The following MOSMO variants were observed in gnomAD, a reference collection of about 807,000 sequenced individuals.
MOSMO encodes modulator of smoothened protein.
In MOSMO, 5 loss-of-function variants were observed where a neutral mutation model predicts 18.4. That is an observed-to-expected ratio of 0.27 (90% CI 0.14 to 0.57). The LOEUF is 0.57. MOSMO is among the 20% of genes least tolerant of loss of function. The pLI is 0.92. For missense variants in MOSMO, 138 were observed against 211.8 expected, an observed-to-expected ratio of 0.65 and a Z score of 2.16; for synonymous variants, 82 against 82.3, an observed-to-expected ratio of 1.00 and a Z score of 0.02.
At position 22,055,125 on chromosome 16, in the gene MOSMO, C is replaced by T. The variant is rs1338238640; in HGVS notation, c.107-20362C>T. Among the ~76,000 whole-genome samples, 3 of 152,158 alleles carry T rather than the reference C, an allele frequency of 2.0e-5. No homozygotes were observed. The South Asian group carries it at 6.2e-4, about 32-fold the overall frequency. ...CATTTGTTTTTGAGGGTCAACAAGT[C>T]TGGTCAGCTTCTGTGCAACATCATA... On this transcript the variant is annotated intron_variant, in intron 1 of 2. Transcript: ENST00000542527.
chr16:22,056,093 G>C (rs936196564), intron 1 of MOSMO, among the ~76,000 whole-genome samples: 48 of 152,210 alleles, frequency 3.2e-4, no homozygotes, highest in African/African-American at 1.1e-3. Flanking sequence ...GGCGAGGCAG[G>C]GTAGAACCTT....
intron 1 of MOSMO, among the ~76,000 whole-genome samples, chr16:22,051,290 A>C (rs932362342): frequency 1.3e-5 from 2 of 151,982 alleles, no homozygotes; most frequent in African/African-American, 4.8e-5. Flanking sequence ...CAGGAGGCCA[A>C]GGCAGGAGGA....
At chr16:22,090,216 C>G (rs1429495262), downstream of MOSMO, 1 of 152,226 alleles carries the variant, frequency 6.6e-6, no homozygotes, top group African/African-American at 2.4e-5. Flanking sequence ...ACCTGAAGAG[C>G]CTCCTGATCA....
intron 1 of MOSMO, among the ~76,000 whole-genome samples, chr16:22,070,304 A>AT (rs1259832325): frequency 2.6e-5 from 4 of 152,166 alleles, no homozygotes; most frequent in Admixed American, 1.3e-4. Context: ...CTCTGATGTG[A>AT]TTTTCTCCAT....
chr16:22,064,222 C>T (rs1900705749), intron 1 of MOSMO: 1 of 443,512 alleles, frequency 2.3e-6, no homozygotes, highest in Non-Finnish European at 4.5e-6. Context: ...TTCTGTGAGG[C>T]TATGGGGTCA....
At chr16:22,059,726 C>T (rs1361912798) in intron 1 of MOSMO, among the ~76,000 whole-genome samples, 2 of 152,112 alleles carry the variant, frequency 1.3e-5, no homozygotes, top group Admixed American at 1.3e-4. Context: ...GGGAAATCAC[C>T]CCCATGATTC....
intron 1 of MOSMO, among the ~76,000 whole-genome samples, chr16:22,014,995 T>C (rs372490840): frequency 3.3e-5 from 5 of 152,300 alleles, no homozygotes; most frequent in Admixed American, 2.0e-4. Context: ...AAATAAAGTA[T>C]TTAAAGTATA....
intron 1 of MOSMO, among the ~76,000 whole-genome samples, chr16:22,067,429 A>T (rs1173572087): frequency 6.6e-6 from 1 of 152,234 alleles, no homozygotes; most frequent in Non-Finnish European, 1.5e-5. Context: ...TGAAAGACAA[A>T]GACATAAGAG....
Position 22,083,633 on chromosome 16 carries a change from G to A in MOSMO, c.*2753G>A, listed in dbSNP as rs1437002743. 6 of 453,260 alleles carry A rather than the reference G, an allele frequency of 1.3e-5. No individual in the cohort carries two copies. Among genetic ancestry groups the A allele is most frequent in the Non-Finnish European group, 2.7e-5 (6 of 226,228 alleles). 28.1% of individuals were successfully genotyped at this position (453,260 alleles called of 1,614,324 possible). On this transcript the variant is annotated 3_prime_UTR_variant, in exon 3 of 3. Transcript: ENST00000542527. ...ACTGTATATAAAACACTGTTTTATG[G>A]TGCAATCATTTGTCAAACTTTTGTC... is the stretch of plus-strand genomic sequence containing the variant.
At chr16:22,055,467 G>C (rs917354979) in intron 1 of MOSMO, among the ~76,000 whole-genome samples, 1 of 152,158 alleles carries the variant, frequency 6.6e-6, no homozygotes, top group Non-Finnish European at 1.5e-5. Flanking sequence ...GACATTTACA[G>C]TACCACAACA....
At chr16:22,009,836 A>AAAG (rs1899485456) in intron 1 of MOSMO, among the ~76,000 whole-genome samples, 1 of 121,232 alleles carries the variant, frequency 8.2e-6, no homozygotes, top group African/African-American at 2.9e-5. Flanking sequence ...AAAAAAAAAA[A>AAAG]AGAGAATTAG....
At chr16:22,066,117 C>A (rs1900742482) in intron 1 of MOSMO, among the ~76,000 whole-genome samples, 1 of 152,110 alleles carries the variant, frequency 6.6e-6, no homozygotes, top group African/African-American at 2.4e-5. Flanking sequence ...AGCTTAGCAA[C>A]CAATTGAGAG....
chr16:22,058,567 CTT>C lies in MOSMO; in HGVS notation c.107-16917_107-16916del, dbSNP rs558524617. On this transcript the variant is annotated intron_variant, in intron 1 of 2. Transcript: ENST00000542527. ...ATGTAGACAGAGAGGACAGGATAGA[CTT>C]TTGTTTAGGAGGTAAATTCCACTTG... Among the ~76,000 whole-genome samples, 37 of 152,038 alleles carry C rather than the reference CTT, an allele frequency of 2.4e-4. No individual in the cohort carries two copies. The East Asian group carries it at 5.2e-3, about 21-fold the overall frequency.
At chr16:22,043,054 GT>G (rs1900240313) in intron 1 of MOSMO, among the ~76,000 whole-genome samples, 1 of 152,186 alleles carries the variant, frequency 6.6e-6, no homozygotes, top group Admixed American at 6.5e-5. Context: ...TAAATTAACA[GT>G]GGGACTATTG....
chr16:22,091,050 G>T (rs1901306447), downstream of MOSMO, among the ~76,000 whole-genome samples: 1 of 151,804 alleles, frequency 6.6e-6, no homozygotes, highest in South Asian at 2.1e-4. Flanking sequence ...AAAAAAAAAT[G>T]TTGTCAAAAT....
intron 1 of MOSMO, among the ~76,000 whole-genome samples, chr16:22,061,763 C>T: frequency 6.6e-6 from 1 of 152,148 alleles, no homozygotes. Context: ...TTTTTCTAGA[C>T]CACCATCTCT....
intron 2 of MOSMO, among the ~76,000 whole-genome samples, chr16:22,077,836 C>A (rs1267576058): frequency 6.6e-6 from 1 of 152,074 alleles, no homozygotes; most frequent in Non-Finnish European, 1.5e-5. Flanking sequence ...TTGCTTTTAG[C>A]TTCCTTAAAT....
At chr16:22,064,054 C>G (rs912416763) in intron 1 of MOSMO, among the ~76,000 whole-genome samples, 1 of 152,096 alleles carries the variant, frequency 6.6e-6, no homozygotes, top group Non-Finnish European at 1.5e-5. Flanking sequence ...TTTTCTAAAC[C>G]CTAATTTGGG....
intron 1 of MOSMO, among the ~76,000 whole-genome samples, chr16:22,024,516 G>T (rs1899836129): frequency 6.6e-6 from 1 of 151,784 alleles, no homozygotes; most frequent in African/African-American, 2.4e-5. Flanking sequence ...ATAGGCTTAT[G>T]CCACCACACC....
Sources: allele counts gnomAD v4.1 joint callset (sites outside exome capture counted in the v4.1 genomes callset), GRCh38; gene constraint gnomAD v4.1.1; transcripts MANE v1.5; gene names NCBI Gene and HGNC (gene_info 2026-07-23, HGNC 2026-07-21).